CCDC146: variants seen among roughly 807,000 people sequenced by gnomAD.
The protein encoded by CCDC146 is coiled-coil domain-containing protein 146.
CCDC146 carries 92 observed loss-of-function variants against 119.3 expected under a neutral mutation model. The observed-to-expected ratio is 0.77, with a 90% CI of 0.65 to 0.92. The LOEUF (loss-of-function observed/expected upper bound fraction) is 0.92, where lower values mean the gene tolerates loss of function less well. Among genes scored for constraint, CCDC146 ranks in the 40% least tolerant of loss-of-function variants. The pLI, the probability that CCDC146 is intolerant of heterozygous loss-of-function variation, is 0.00. For missense variants in CCDC146, 1,000 were observed against 1,103.0 expected (o/e 0.91, Z 1.32); for synonymous variants, 372 against 371.8 (o/e 1.00, Z -0.01).
chr7:77,250,538 G>A (rs957291834), intron 4 of CCDC146, among the ~76,000 whole-genome samples: 7 of 152,112 alleles, frequency 4.6e-5, no homozygotes, highest in Non-Finnish European at 8.8e-5. Context: ...AGGAGAAATC[G>A]GATGTAATTC....
chr7:77,269,497 A>C (rs1793469027), intron 9 of CCDC146, among the ~76,000 whole-genome samples: 1 of 152,200 alleles, frequency 6.6e-6, no homozygotes, highest in Non-Finnish European at 1.5e-5. Flanking sequence ...CTATAAATCT[A>C]ATTGGAAGCT....
At position 77,203,033 on chromosome 7, in the gene CCDC146, C is replaced by T. The variant is rs964743086; in HGVS notation, c.157-33914C>T. 3.4e-3 allele frequency among the ~76,000 whole-genome samples: 5 copies of T among 1,458 alleles called. No individual in the cohort carries two copies. In the Admixed American group the frequency reaches 0.038, roughly 11 times the overall value. The allele number at this position is 1,458 out of a possible 152,430, so 1.0% of individuals were successfully genotyped here. A position where few individuals can be genotyped will look rare whatever the true frequency, so the allele number is the denominator to read the frequency against. On this transcript the variant is annotated intron_variant, in intron 2 of 18. Transcript: ENST00000285871. ...TGAGCAAGGAAAATAAAATACTTGC[C>T]CCCCCCCCCCCCAGGACTATTTTAG...
intron 1 of CCDC146, among the ~76,000 whole-genome samples, chr7:77,132,707 A>G (rs535694191): frequency 6.6e-5 from 10 of 152,316 alleles, no homozygotes; most frequent in African/African-American, 2.4e-4. Flanking sequence ...ATCACACTCC[A>G]ACCTGGGTGA....
At chr7:77,235,054 GC>G (rs1792708923) in intron 2 of CCDC146, among the ~76,000 whole-genome samples, 1 of 152,152 alleles carries the variant, frequency 6.6e-6, no homozygotes, top group Admixed American at 6.5e-5. Context: ...CATTTTGATA[GC>G]TGCATTCATT....
intron 2 of CCDC146, among the ~76,000 whole-genome samples, chr7:77,206,105 G>A (rs951514099): frequency 6.6e-6 from 1 of 152,144 alleles, no homozygotes; most frequent in East Asian, 1.9e-4. Context: ...GGTCCCACAA[G>A]TATTAATTTT....
intron 17 of CCDC146, among the ~76,000 whole-genome samples, chr7:77,291,958 A>G (rs1430608360): frequency 2.0e-5 from 3 of 152,174 alleles, no homozygotes. Context: ...CCCCTGGATA[A>G]GTGACAAACT....
At chr7:77,233,027 G>A (rs1181148975) in intron 2 of CCDC146, among the ~76,000 whole-genome samples, 2 of 151,730 alleles carry the variant, frequency 1.3e-5, no homozygotes, top group African/African-American at 4.8e-5. Context: ...AATTTCCAGA[G>A]ACTTTAAATG....
intron 7 of CCDC146, 67 bp downstream of exon 7, chr7:77,259,135 G>C: frequency 1.1e-6 from 1 of 924,278 alleles, no homozygotes; most frequent in East Asian, 2.6e-5. Flanking sequence ...TAGAACAAGA[G>C]TACTAACCAT....
intron 17 of CCDC146, 57 bp from the exon 18 acceptor site, chr7:77,292,895 A>G: frequency 6.4e-6 from 10 of 1,553,420 alleles, no homozygotes; most frequent in Non-Finnish European, 8.7e-6. Flanking sequence ...GCAGCCTGCC[A>G]TTTTAAGTCT....
At chr7:77,256,679 A>C (rs1184510652) in intron 6 of CCDC146, among the ~76,000 whole-genome samples, 170 bp downstream of exon 6, 1 of 152,234 alleles carries the variant, frequency 6.6e-6, no homozygotes, top group Non-Finnish European at 1.5e-5. Context: ...GGGAATGCAC[A>C]AAAGACCTTA....
chr7:77,150,326 C>A (rs1221921659), intron 1 of CCDC146, among the ~76,000 whole-genome samples: 1 of 151,842 alleles, frequency 6.6e-6, no homozygotes, highest in Admixed American at 6.6e-5. Context: ...GGATTTATAT[C>A]CAGCATATAC....
chr7:77,130,994 C>T (rs1365045874), intron 1 of CCDC146, among the ~76,000 whole-genome samples: 4 of 151,532 alleles, frequency 2.6e-5, no homozygotes, highest in Non-Finnish European at 4.4e-5. Context: ...CAGGTTCAAG[C>T]GATTCTCCCG....
At chr7:77,219,198 T>C (rs1356751451) in intron 2 of CCDC146, among the ~76,000 whole-genome samples, 1 of 152,230 alleles carries the variant, frequency 6.6e-6, no homozygotes, top group Non-Finnish European at 1.5e-5. Flanking sequence ...TATTTTGTAA[T>C]GGTCAATTTT....
chr7:77,224,686 C>T (rs1168206259), intron 2 of CCDC146, among the ~76,000 whole-genome samples: 3 of 152,090 alleles, frequency 2.0e-5, no homozygotes, highest in Admixed American at 6.6e-5. Context: ...TTGGAGAAGG[C>T]GGCAGCTACC....
chr7:77,222,606 C>A (rs1039174275), intron 2 of CCDC146, among the ~76,000 whole-genome samples: 3 of 152,208 alleles, frequency 2.0e-5, no homozygotes, highest in Non-Finnish European at 4.4e-5. Flanking sequence ...TCTCTGGGCT[C>A]ACCCACATTT....
intron 2 of CCDC146, chr7:77,195,553 T>G (rs1018821901): frequency 4.6e-5 from 7 of 152,214 alleles, no homozygotes; most frequent in African/African-American, 1.7e-4. Context: ...GAATGAAGAT[T>G]ACCCAAATAA....
chr7:77,193,179 A>T (rs1476157331), intron 2 of CCDC146, among the ~76,000 whole-genome samples: 1 of 152,202 alleles, frequency 6.6e-6, no homozygotes, highest in East Asian at 1.9e-4. Flanking sequence ...AATGCCACAA[A>T]ATGAAACTGA....
rs756287451 is a variant in CCDC146, at chr7:77,286,834, A to T, written c.2185A>T (p.Lys729Ter). ...QCTDRIKDLE[K>*]QFVKPDGENR... is the part of the protein sequence containing the mutation. ...TACAGACAGAATTAAAGACCTGGAG[A>T]AACAGTTCGTAAAGCCTGATGGTGA... is the stretch of plus-strand genomic sequence containing the variant. Residue 729 changes from lysine (K) to a stop codon, truncating the protein, a stop_gained, in exon 16 of 19, where the codon AAA (lysine) becomes TAA (stop). Transcript: ENST00000285871. LOFTEE classifies it high-confidence loss of function. 1 of 1,613,780 alleles carries T rather than the reference A, an allele frequency of 6.2e-7. No homozygotes were observed. Among genetic ancestry groups the T allele is most frequent in the African/African-American group, 1.3e-5 (1 of 74,920 alleles).
rs267601574 is a variant in CCDC146, at chr7:77,286,897, G to A, written c.2248G>A (p.Glu750Lys). 214 of 1,613,892 alleles carry A rather than the reference G, an allele frequency of 1.3e-4. No individual in the cohort carries two copies. The highest frequency in any genetic ancestry group is 1.6e-4 in the Non-Finnish European group (187 of 1,179,950). ...CTTCCTTCCAGGGAAAGATCTGACC[G>A]AAAAAGAAATGATCCAAAAATTAGA... ...ARFLPGKDLT[E>K]KEMIQKLDKL... The change falls in exon 16 of 19, where the codon GAA becomes AAA. Residue 750 changes from glutamate to lysine, a missense_variant. By Grantham distance (56) the Glu-to-Lys change is moderately conservative (BLOSUM62 1). This residue lies in a region of CCDC146 where 985 missense variants were observed against 1,045.3 expected (regional missense o/e 0.94). Transcript: ENST00000285871.
Sources: gnomAD v4.1 joint callset for allele counts (sites outside exome capture counted in the v4.1 genomes callset) on GRCh38, gnomAD v4.1.1 for gene constraint, gnomAD v4.1.1 regional missense constraint, MANE v1.5 for transcripts, NCBI Gene and HGNC (gene_info 2026-07-23, HGNC 2026-07-21) for gene names.